WDPCP: variants seen among roughly 807,000 people sequenced by gnomAD.
The protein encoded by WDPCP is WD repeat containing planar cell polarity effector, also known as WD repeat-containing and planar cell polarity effector protein fritz homolog.
A neutral mutation model predicts 93.1 loss-of-function variants in WDPCP; 71 were observed. The ratio of observed to expected loss-of-function variants is 0.76; its 90% CI spans 0.63 to 0.93. The LOEUF (loss-of-function observed/expected upper bound fraction) is 0.93. Among genes scored for constraint, WDPCP ranks in the 40% least tolerant of loss-of-function variants. The pLI is 0.00. For missense variants in WDPCP, 844 were observed against 887.4 expected (o/e 0.95, Z 0.62); for synonymous variants, 315 against 315.0 (o/e 1.00, Z 0.00).
At chr2:63,747,787 A>T (rs911939026) in intron 2 of WDPCP, among the ~76,000 whole-genome samples, 3 of 152,068 alleles carry the variant, frequency 2.0e-5, no homozygotes, top group Non-Finnish European at 4.4e-5. Flanking sequence ...TTAGAATATG[A>T]TGGTCATGTT....
chr2:63,311,887 T>C (rs1686214002), intron 13 of WDPCP, among the ~76,000 whole-genome samples: 3 of 152,086 alleles, frequency 2.0e-5, no homozygotes, highest in Non-Finnish European at 2.9e-5. Flanking sequence ...TTAGTTCTTA[T>C]CTTGGCTAGA....
intron 2 of WDPCP, among the ~76,000 whole-genome samples, chr2:63,746,180 C>T (rs967131880): frequency 4.6e-5 from 7 of 152,138 alleles, no homozygotes; most frequent in African/African-American, 1.4e-4. Flanking sequence ...TTTCTTACAC[C>T]TGTCTTTACT....
At chr2:63,383,563 A>G (rs1438539414) in intron 10 of WDPCP, among the ~76,000 whole-genome samples, 3 of 152,086 alleles carry the variant, frequency 2.0e-5, no homozygotes, top group African/African-American at 4.8e-5. Flanking sequence ...AAATACAAAA[A>G]TTAGCCAAGC....
At chr2:63,637,601 A>G (rs886169928) in intron 3 of WDPCP, among the ~76,000 whole-genome samples, 1 of 152,112 alleles carries the variant, frequency 6.6e-6, no homozygotes, top group Non-Finnish European at 1.5e-5. Flanking sequence ...TACACAAATA[A>G]TCTGGTTTCA....
chr2:63,641,816 T>C (rs1709983335), intron 3 of WDPCP, among the ~76,000 whole-genome samples: 1 of 152,228 alleles, frequency 6.6e-6, no homozygotes, highest in Admixed American at 6.5e-5. Flanking sequence ...CATTTGTCCA[T>C]TTTTGCTTTG....
chr2:63,251,648 T>C (rs1680738231), intron 14 of WDPCP, among the ~76,000 whole-genome samples: 2 of 151,922 alleles, frequency 1.3e-5, no homozygotes, highest in South Asian at 2.1e-4. Flanking sequence ...CTCACCATCA[T>C]GCCTGGCTAA....
chr2:63,437,228 C>T (rs1044969994), intron 8 of WDPCP, among the ~76,000 whole-genome samples, 193 bp downstream of exon 8: 3 of 151,902 alleles, frequency 2.0e-5, no homozygotes, highest in Non-Finnish European at 4.4e-5. Context: ...TGTTAGACAA[C>T]CCCCCATAGT....
chr2:63,605,932 T>C (rs777181349), intron 3 of WDPCP: 1 of 1,611,620 alleles, frequency 6.2e-7, no homozygotes, highest in South Asian at 1.1e-5. Flanking sequence ...AACATTGTTA[T>C]TTTCAGGGAG....
chr2:63,623,984 C>T (rs1181654041), intron 3 of WDPCP, among the ~76,000 whole-genome samples: 1 of 152,182 alleles, frequency 6.6e-6, no homozygotes, highest in Non-Finnish European at 1.5e-5. Flanking sequence ...AACAAACAGT[C>T]ACTCAAACCA....
At chr2:63,597,666 T>C in intron 3 of WDPCP, 1 of 1,156,750 alleles carries the variant, frequency 8.6e-7, no homozygotes, top group South Asian at 3.6e-5. Flanking sequence ...TATTTGCCCT[T>C]TTTTCTAGTT....
intron 2 of WDPCP, among the ~76,000 whole-genome samples, chr2:63,736,210 T>G (rs971768008): frequency 1.3e-5 from 2 of 152,236 alleles, no homozygotes; most frequent in African/African-American, 2.4e-5. Context: ...TATTCTATGT[T>G]GGCTAGAACT....
upstream of WDPCP, chr2:63,593,376 G>A: frequency 2.9e-6 from 1 of 347,160 alleles, no homozygotes; most frequent in South Asian, 2.4e-5. Flanking sequence ...TTACAGGCAT[G>A]AGCCACCATC....
At chr2:63,669,694 G>A (rs1710322570) in intron 2 of WDPCP, among the ~76,000 whole-genome samples, 1 of 152,234 alleles carries the variant, frequency 6.6e-6, no homozygotes, top group Admixed American at 6.5e-5. Flanking sequence ...TCTCTTGTTA[G>A]ATACATTTAA....
intron 12 of WDPCP, among the ~76,000 whole-genome samples, chr2:63,356,289 A>G (rs1690018415): frequency 6.6e-6 from 1 of 152,226 alleles, no homozygotes; most frequent in East Asian, 1.9e-4. Context: ...AAGCTCTTAG[A>G]ATACTTACAA....
At chr2:63,338,606 ATATATATATATG>A in intron 12 of WDPCP, among the ~76,000 whole-genome samples, 6 of 130,288 alleles carry the variant, frequency 4.6e-5, no homozygotes, top group Non-Finnish European at 8.2e-5. Flanking sequence ...ATATATATAT[ATATATATATATG>A]GATAATTAGA....
At chr2:63,813,644 C>G (rs911307505) in exon 2 of WDPCP, 1 of 152,310 alleles carries the variant, frequency 6.6e-6, no homozygotes, top group South Asian at 2.1e-4. Context: ...TCAATATGCT[C>G]TGTTAGAATG....
At chr2:63,595,490 T>C in intron 3 of WDPCP, 1 of 1,611,880 alleles carries the variant, frequency 6.2e-7, no homozygotes, top group African/African-American at 1.3e-5. Flanking sequence ...CTAATGGAAC[T>C]GCAAGACTGT....
chr2:63,212,696 C>A (rs1437009063), intron 14 of WDPCP, among the ~76,000 whole-genome samples: 1 of 151,776 alleles, frequency 6.6e-6, no homozygotes, highest in Non-Finnish European at 1.5e-5. Flanking sequence ...AGTCAAGACC[C>A]ATCAATGTGC....
At chr2:63,301,017 A>T (rs905746197) in intron 13 of WDPCP, among the ~76,000 whole-genome samples, 1 of 152,014 alleles carries the variant, frequency 6.6e-6, no homozygotes, top group Non-Finnish European at 1.5e-5. Flanking sequence ...CCTTGGTCTG[A>T]AGAGCACATG....
Sources: gnomAD v4.1 joint callset for allele counts (sites outside exome capture counted in the v4.1 genomes callset) on GRCh38, gnomAD v4.1.1 for gene constraint, MANE v1.5 for transcripts, NCBI Gene and HGNC (gene_info 2026-07-23, HGNC 2026-07-21) for gene names.